PAH: variants seen among roughly 807,000 people sequenced by gnomAD.
PAH encodes the protein phenylalanine hydroxylase, also known as phenylalanine-4-hydroxylase.
In PAH, 64 loss-of-function variants were observed where a neutral mutation model predicts 62.0. The observed-to-expected ratio is 1.03, with a 90% confidence interval of 0.84 to 1.27. The LOEUF (loss-of-function observed/expected upper bound fraction) is 1.27, where lower values mean the gene tolerates loss of function less well. Among genes scored for constraint, PAH ranks in the 50% most tolerant of loss-of-function variants. PAH has a pLI of 0.00. For synonymous variants in PAH, 195 were observed against 196.2 expected (o/e 0.99, Z 0.05); for missense variants, 579 against 542.8 (o/e 1.07, Z -0.66).
Position 102,863,558 on chromosome 12 carries a change from G to A in PAH, c.509+3038C>T, listed in dbSNP as rs75624830. On this transcript the variant is annotated intron_variant, in intron 5 of 12. Transcript: ENST00000553106. ...GACTATGTCCTAATCAGAGTCAGTG[G>A]ACTCAATGCCAGAACTGTGGTTGAC... Among the ~76,000 whole-genome samples, 1,478 of 152,234 alleles carry A rather than the reference G, an allele frequency of 9.7e-3. 16 individuals are homozygous for A. Among genetic ancestry groups the A allele is most frequent in the African/African-American group, 0.033 (1,361 of 41,530 alleles).
chr12:102,869,324 A>G lies in PAH; in HGVS notation c.442-2661T>C, dbSNP rs1742565201. Among the ~76,000 whole-genome samples the G allele has an allele frequency of 2.0e-5, 3 of 152,240 alleles. No individual in the cohort carries two copies. In the South Asian group the frequency reaches 6.2e-4, roughly 32 times the overall value. ...ATTATGTCAATTATGTCATATATCA[A>G]TTATGTCAGAGGAAATATGTAAGTA... On this transcript the variant is annotated intron_variant, in intron 4 of 12. Transcript: ENST00000553106.
chr12:102,917,281 AG>A (rs1878424114), upstream of PAH: 3 of 716,778 alleles, frequency 4.2e-6, no homozygotes, highest in Non-Finnish European at 7.4e-6. Context: ...ATCTCCGCAC[AG>A]TAACGCCCCT....
intron 2 of PAH, among the ~76,000 whole-genome samples, chr12:102,896,342 A>T (rs1285800209): frequency 2.6e-5 from 4 of 152,202 alleles, no homozygotes; most frequent in African/African-American, 9.7e-5. Context: ...AACAGGAGAC[A>T]GTGTCAGAAT....
rs1434507407 is a variant in PAH at position 102,866,589 on chromosome 12, G to A, written c.509+7C>T. The A allele has an allele frequency of 6.2e-7, 1 of 1,611,280 alleles. No individual in the cohort carries two copies. ...TCTCTTCCCCTCAACAAGCAAGGCA[G>A]ACTTACTGGCGGTAGTTGTAGGCAA... is the stretch of plus-strand genomic sequence containing the variant. On this transcript the variant is annotated splice_region_variant and intron_variant, in intron 5 of 12. Transcript: ENST00000553106.
chr12:102,946,102 A>G (rs140759329), intron 1 of PAH: 1 of 152,272 alleles, frequency 6.6e-6, no homozygotes, highest in East Asian at 1.9e-4. Context: ...CCAGCACCCT[A>G]TTCTACTGTA....
chr12:102,948,759 A>G (rs1345630860), intron 1 of PAH, among the ~76,000 whole-genome samples: 2 of 152,224 alleles, frequency 1.3e-5, no homozygotes, highest in Non-Finnish European at 2.9e-5. Flanking sequence ...TATCTTTAGT[A>G]TACAAAAGGA....
intron 2 of PAH, among the ~76,000 whole-genome samples, chr12:102,905,990 C>A (rs1877960321): frequency 6.6e-6 from 1 of 151,942 alleles, no homozygotes; most frequent in Non-Finnish European, 1.5e-5. Context: ...ACACACATAA[C>A]AGTATTCAGA....
intron 1 of PAH, among the ~76,000 whole-genome samples, chr12:102,932,293 T>G (rs940929670): frequency 2.0e-5 from 3 of 152,204 alleles, no homozygotes; most frequent in Non-Finnish European, 4.4e-5. Flanking sequence ...GAGAAGGAAA[T>G]GGCACAAGAC....
At chr12:102,853,259 A>G in intron 6 of PAH, 2 of 378,384 alleles carry the variant, frequency 5.3e-6, no homozygotes, top group South Asian at 4.9e-5. Flanking sequence ...CATTGGAAAC[A>G]TGCAATAAAT....
At chr12:102,892,926 C>T (rs1251229259) in intron 3 of PAH, among the ~76,000 whole-genome samples, 6 of 151,942 alleles carry the variant, frequency 3.9e-5, no homozygotes, top group Non-Finnish European at 7.4e-5. Context: ...AGCATGATCC[C>T]GAATATAAAC....
chr12:102,890,029 C>T (rs1877209894), intron 3 of PAH, among the ~76,000 whole-genome samples: 1 of 152,192 alleles, frequency 6.6e-6, no homozygotes, highest in South Asian at 2.1e-4. Context: ...ATCAGCTTCT[C>T]CAGGAGGCAT....
chr12:102,939,187 GC>G (rs1001603719), intron 1 of PAH, among the ~76,000 whole-genome samples: 1 of 152,070 alleles, frequency 6.6e-6, no homozygotes, highest in African/African-American at 2.4e-5. Context: ...TCCACTGACA[GC>G]CCCGTGTCTC....
At chr12:102,909,992 AG>A (rs1352406294) in intron 2 of PAH, among the ~76,000 whole-genome samples, 1 of 152,208 alleles carries the variant, frequency 6.6e-6, no homozygotes, top group African/African-American at 2.4e-5. Context: ...AAAAGTGAAA[AG>A]ATACTTTTAA....
chr12:102,844,780 G>T (rs889058371), intron 9 of PAH, among the ~76,000 whole-genome samples: 2 of 152,102 alleles, frequency 1.3e-5, no homozygotes, highest in African/African-American at 4.8e-5. Context: ...TCTGGGACTC[G>T]CACCCAACCA....
intron 6 of PAH, chr12:102,854,932 A>G (rs972110154): frequency 3.1e-6 from 2 of 640,128 alleles, no homozygotes; most frequent in African/African-American, 1.8e-5. Context: ...GTTTGATTGA[A>G]TGAAAGTGGA....
chr12:102,879,415 C>T (rs1397422462), intron 3 of PAH, among the ~76,000 whole-genome samples: 4 of 151,400 alleles, frequency 2.6e-5, no homozygotes, highest in Admixed American at 6.6e-5. Context: ...GGGGAAATTC[C>T]CTCCGTGATC....
At chr12:102,873,263 T>C (rs1016090783) in intron 4 of PAH, among the ~76,000 whole-genome samples, 4 of 152,220 alleles carry the variant, frequency 2.6e-5, no homozygotes, top group African/African-American at 9.6e-5. Flanking sequence ...GACTGAGCTC[T>C]ACTCAATGGA....
intron 2 of PAH, among the ~76,000 whole-genome samples, chr12:102,907,323 T>C (rs1336984678): frequency 6.6e-6 from 1 of 152,184 alleles, no homozygotes; most frequent in Non-Finnish European, 1.5e-5. Flanking sequence ...GATAGCTGTA[T>C]TTGGCAGAGG....
At chr12:102,946,773 T>A (rs1258018805) in intron 1 of PAH, 1 of 152,228 alleles carries the variant, frequency 6.6e-6, no homozygotes, top group Non-Finnish European at 1.5e-5. Flanking sequence ...AGATGCTTTT[T>A]TGTGTGGATA....
Sources: gnomAD v4.1 joint callset for allele counts (sites outside exome capture counted in the v4.1 genomes callset) on GRCh38, gnomAD v4.1.1 for gene constraint, MANE v1.5 for transcripts, NCBI Gene and HGNC (gene_info 2026-07-23, HGNC 2026-07-21) for gene names.